Variants in PLS3 observed in about 807,000 individuals in gnomAD.
PLS3 encodes the protein plastin-3.
PLS3 carries 11 observed loss-of-function variants against 46.5 expected under a neutral mutation model. The observed-to-expected ratio is 0.24, with a 90% CI of 0.15 to 0.39. PLS3 has a LOEUF of 0.39. Among genes scored for constraint, PLS3 ranks in the 10% least tolerant of loss-of-function variants. The pLI, the probability that PLS3 is intolerant of heterozygous loss-of-function variation, is 1.00. For missense variants in PLS3, 308 were observed against 461.8 expected (o/e 0.67, Z 3.05); for synonymous variants, 167 against 162.2 (o/e 1.03, Z -0.22).
intron 5 of PLS3, among the ~76,000 whole-genome samples, chrX:115,633,192 A>C (rs2074795799): frequency 9.2e-6 from 1 of 108,606 alleles, no homozygotes; most frequent in East Asian, 2.9e-4. Context: ...TTTTTTTTTA[A>C]CGGCATCTTG....
intron 1 of PLS3, among the ~76,000 whole-genome samples, chrX:115,579,162 G>C (rs782053139): frequency 8.9e-6 from 1 of 112,026 alleles, no homozygotes; most frequent in East Asian, 2.8e-4. Flanking sequence ...ATGATATATA[G>C]TATGTAGCCT....
intron 15 of PLS3, among the ~76,000 whole-genome samples, chrX:115,649,075 T>C (rs1054446721): frequency 9.0e-6 from 1 of 111,670 alleles, no homozygotes; most frequent in Non-Finnish European, 1.9e-5. Context: ...TAAGATGACT[T>C]GAGTGTGTGT....
chrX:115,599,336 C>CAA (rs1226830291), intron 1 of PLS3, among the ~76,000 whole-genome samples: 2,575 of 32,364 alleles, frequency 0.08, 203 homozygotes, highest in African/African-American at 0.24. Flanking sequence ...CCTGTCTCTA[C>CAA]AAAAAAAAAA....
intron 3 of PLS3, among the ~76,000 whole-genome samples, chrX:115,624,610 T>TA (rs2074692507): frequency 2.7e-5 from 3 of 112,433 alleles, no homozygotes; most frequent in Non-Finnish European, 5.6e-5. Flanking sequence ...GACAAAATTG[T>TA]AAAAGTGTCT....
intron 1 of PLS3, among the ~76,000 whole-genome samples, chrX:115,601,225 C>T (rs1556634554): frequency 9.1e-6 from 1 of 109,460 alleles, no homozygotes; most frequent in African/African-American, 3.3e-5. Flanking sequence ...AATAAGGTCT[C>T]TTGAGAGTGT....
rs782611856 is a variant in PLS3 at position 115,649,785 on chromosome X, A to G, written c.*224A>G. 3.4e-6 allele frequency: 1 copy of G among 293,319 alleles called. No individual in the cohort carries two copies. Among genetic ancestry groups the G allele is most frequent in the Admixed American group, 5.2e-5 (1 of 19,232 alleles). The allele number at this position is 293,319 out of a possible 1,213,427, so 24.2% of individuals were successfully genotyped here. ...GTTGAATTTGTCAGGCACGCCTGAA[A>G]TGTGCTCATAGCCAAAACATTTTAC... On this transcript the variant is annotated 3_prime_UTR_variant, in exon 16 of 16. Transcript: ENST00000355899.
At chrX:115,644,076 C>T (rs1391640024) in intron 10 of PLS3, among the ~76,000 whole-genome samples, 9 of 110,587 alleles carry the variant, frequency 8.1e-5, no homozygotes, top group African/African-American at 3.0e-4. Context: ...ACTTTTTAAT[C>T]CTCTCACCAG....
At chrX:115,604,903 G>A (rs1413253694) in intron 1 of PLS3, among the ~76,000 whole-genome samples, 1 of 111,788 alleles carries the variant, frequency 8.9e-6, no homozygotes. Context: ...ACACCATCAA[G>A]TACCTATGAG....
chrX:115,619,526 T>C (rs2074628564), intron 2 of PLS3, among the ~76,000 whole-genome samples: 1 of 112,623 alleles, frequency 8.9e-6, no homozygotes, highest in African/African-American at 3.2e-5. Flanking sequence ...ACATTATTGA[T>C]GGATTGATTT....
chrX:115,594,409 C>T (rs2074367642), intron 1 of PLS3, among the ~76,000 whole-genome samples: 1 of 111,629 alleles, frequency 9.0e-6, no homozygotes, highest in South Asian at 3.7e-4. Flanking sequence ...AAAAGTGAAG[C>T]ATGAAACAAA....
rs1009547360 is a variant in PLS3, at chrX:115,626,121, C to G, written c.238-3077C>G. ...CTCCAGCACAGTAGTCAGCCTTGTG[C>G]TATCTCTGATTTCAGAGATTTCTTG... On this transcript the variant is annotated intron_variant, in intron 3 of 15. Coordinates refer to ENST00000355899, the MANE Select transcript of PLS3 (RefSeq NM_005032.7). Among the ~76,000 whole-genome samples the G allele has an allele frequency of 2.7e-5, 3 of 111,589 alleles. 1 individual carries two copies. The Admixed American group carries it at 2.9e-4, about 11-fold the overall frequency.
chrX:115,563,550 TCTGAAAAAAAAAGAA>T, intron 1 of PLS3, among the ~76,000 whole-genome samples: 1 of 111,257 alleles, frequency 9.0e-6, no homozygotes, highest in Non-Finnish European at 1.9e-5. Flanking sequence ...GCTTTGCTTA[TCTGAAAAAAAAAGAA>T]AAAACGGACC....
At chrX:115,643,928 C>T (rs1312803821) in intron 10 of PLS3, among the ~76,000 whole-genome samples, 1 of 111,450 alleles carries the variant, frequency 9.0e-6, no homozygotes, top group Non-Finnish European at 1.9e-5. Flanking sequence ...GCCGAGATCG[C>T]GCTATTGCAC....
chrX:115,643,448 A>G lies in PLS3; in HGVS notation c.1123A>G (p.Asn375Asp), dbSNP rs1556641278. ...LNLAFVANLF[N>D]KYPALTKPEN... ...CTTAGCTTTCGTGGCTAACCTGTTT[A>G]ATAAATACCCAGCACTAACTAAGCC... Residue 375 changes from asparagine to aspartate, a missense_variant, in exon 10 of 16, where the codon AAT (asparagine) becomes GAT (aspartate). Asn to Asp is a conservative substitution (Grantham distance 23). Transcript: ENST00000355899. 8.3e-7 allele frequency: 1 copy of G among 1,205,402 alleles called. No homozygotes were observed. The highest frequency in any genetic ancestry group is 1.1e-6 in the Non-Finnish European group (1 of 889,718).
intron 5 of PLS3, among the ~76,000 whole-genome samples, chrX:115,631,142 C>T (rs189008965): frequency 0.016 from 1,657 of 105,200 alleles, 37 homozygotes; most frequent in African/African-American, 0.055. Flanking sequence ...CCGCAACCTC[C>T]GCCTCTGGGT....
intron 1 of PLS3, among the ~76,000 whole-genome samples, chrX:115,605,154 G>A (rs1239069585): frequency 9.0e-6 from 1 of 111,694 alleles, no homozygotes; most frequent in Admixed American, 9.6e-5. Context: ...AAATTGGAAA[G>A]TCCTGCATTA....
intron 1 of PLS3, among the ~76,000 whole-genome samples, chrX:115,588,367 T>C (rs2074323462): frequency 8.9e-6 from 1 of 112,088 alleles, no homozygotes; most frequent in Admixed American, 9.5e-5. Flanking sequence ...TTGCAAAAGA[T>C]TGAATGCAGA....
chrX:115,642,225 A>G (rs1291535490), intron 9 of PLS3, among the ~76,000 whole-genome samples: 1 of 109,186 alleles, frequency 9.2e-6, no homozygotes, highest in Non-Finnish European at 1.9e-5. Flanking sequence ...TTTTATTTCA[A>G]TTTAACTTTT....
At chrX:115,595,742 T>G (rs1197460129) in intron 1 of PLS3, among the ~76,000 whole-genome samples, 1 of 96,549 alleles carries the variant, frequency 1.0e-5, no homozygotes, top group African/African-American at 4.0e-5. Context: ...CAGGCTGGAG[T>G]GCAGTGGCAC....
Sources: gnomAD v4.1 joint callset for allele counts (sites outside exome capture counted in the v4.1 genomes callset) on GRCh38, gnomAD v4.1.1 for gene constraint, MANE v1.5 for transcripts, NCBI Gene and HGNC (gene_info 2026-07-23, HGNC 2026-07-21) for gene names.